Variants in EFCAB8 observed in about 807,000 individuals in gnomAD.
EFCAB8 encodes EF-hand calcium binding domain 8.
Under a neutral mutation model 116.3 loss-of-function variants are expected in EFCAB8, and 100 were observed. The observed-to-expected ratio is 0.86, with a 90% CI of 0.73 to 1.02. The LOEUF is 1.02. EFCAB8 is among the 50% of genes least tolerant of loss of function. EFCAB8 has a pLI of 0.00. For missense variants in EFCAB8, 1,320 were observed against 1,416.9 expected (o/e 0.93, Z 1.10); for synonymous variants, 558 against 567.9 (o/e 0.98, Z 0.25).
intron 3 of EFCAB8, among the ~76,000 whole-genome samples, chr20:32,868,955 A>C (rs1984558416): frequency 6.6e-6 from 1 of 151,948 alleles, no homozygotes; most frequent in African/African-American, 2.4e-5. Flanking sequence ...ACTTTACTCC[A>C]GCCTAGACCA....
In EFCAB8 at chr20:32,930,536, G is replaced by A. The variant is rs1987859219; in HGVS notation, c.2551G>A (p.Gly851Arg). The change falls in exon 21 of 27, where the codon GGG (glycine) becomes AGG (arginine). Residue 851 changes from glycine to arginine, a missense_variant. Coordinates refer to ENST00000400522, the MANE Select transcript of EFCAB8 (RefSeq NM_001143967.2). ...GAAGTTCCCTGTGGACCTAGACAAT[G>A]GGGATGTTGTCGTGGGTGCCATGGC... Reference protein sequence around the residue: ...LGKFPVDLDNGDVVVGAMATD... With the variant: ...LGKFPVDLDNRDVVVGAMATD... 3 of 1,552,242 alleles carry A rather than the reference G, an allele frequency of 1.9e-6. No individual in the cohort carries two copies. The highest frequency in any genetic ancestry group is 2.6e-6 in the Non-Finnish European group (3 of 1,147,150).
intron 17 of EFCAB8, among the ~76,000 whole-genome samples, chr20:32,913,928 G>A (rs1212082559): frequency 6.6e-6 from 1 of 152,214 alleles, no homozygotes; most frequent in African/African-American, 2.4e-5. Flanking sequence ...AGCTTTGCCT[G>A]GCAAGTGACT....
At chr20:32,941,722 G>A (rs1936307) in intron 22 of EFCAB8, among the ~76,000 whole-genome samples, 5 of 151,972 alleles carry the variant, frequency 3.3e-5, no homozygotes, top group African/African-American at 9.7e-5. Flanking sequence ...GGGAAATTGC[G>A]TAGTGACTAC....
At chr20:32,925,732 T>C (rs1412097884) in intron 20 of EFCAB8, among the ~76,000 whole-genome samples, 1 of 152,232 alleles carries the variant, frequency 6.6e-6, no homozygotes, top group East Asian at 1.9e-4. Flanking sequence ...AGTAGAAAAT[T>C]GCTCCAAGTT....
intron 17 of EFCAB8, among the ~76,000 whole-genome samples, chr20:32,916,676 T>C (rs1416019070): frequency 2.6e-5 from 4 of 152,212 alleles, no homozygotes; most frequent in African/African-American, 4.8e-5. Context: ...GGTTTTAACA[T>C]AAATTTTTGG....
chr20:32,899,209 C>G (rs1946285283), intron 11 of EFCAB8, among the ~76,000 whole-genome samples: 1 of 150,792 alleles, frequency 6.6e-6, no homozygotes, highest in Admixed American at 6.6e-5. Context: ...CATGGCGAAA[C>G]CCCGTCTCTA....
chr20:32,930,146 G>T (rs1023877108), intron 20 of EFCAB8, among the ~76,000 whole-genome samples: 3 of 152,172 alleles, frequency 2.0e-5, no homozygotes, highest in Non-Finnish European at 4.4e-5. Context: ...TATGTGTCAG[G>T]CACCATTGTG....
At chr20:32,894,290 A>G (rs889928781) in intron 9 of EFCAB8, among the ~76,000 whole-genome samples, 1 of 152,196 alleles carries the variant, frequency 6.6e-6, no homozygotes, top group African/African-American at 2.4e-5. Context: ...GGCCCCTGGC[A>G]GGCTTGTTGG....
intron 9 of EFCAB8, among the ~76,000 whole-genome samples, chr20:32,893,917 A>G (rs1163625216): frequency 6.6e-6 from 1 of 152,192 alleles, no homozygotes; most frequent in Non-Finnish European, 1.5e-5. Context: ...GGTCACCTGT[A>G]CACGCCCCTG....
At chr20:32,900,510 G>A (rs1345149062) in intron 11 of EFCAB8, among the ~76,000 whole-genome samples, 1 of 151,870 alleles carries the variant, frequency 6.6e-6, no homozygotes, top group African/African-American at 2.4e-5. Context: ...ACAGGCACGT[G>A]CCCCCGTGCT....
chr20:32,958,503 T>C lies in EFCAB8; in HGVS notation c.3042T>C (p.Asp1014=), dbSNP rs1250613678. The C allele has an allele frequency of 2.4e-6, 1 of 416,724 alleles. No individual in the cohort carries two copies. The highest frequency in any genetic ancestry group is 4.4e-6 in the Non-Finnish European group (1 of 226,356). The allele number at this position is 416,724 out of a possible 1,614,324, so 25.8% of individuals were successfully genotyped here. Residue 1014 remains aspartate (D), a synonymous_variant, in exon 24 of 27, where the codon GAT becomes GAC. Coordinates refer to ENST00000400522, the MANE Select transcript of EFCAB8 (RefSeq NM_001143967.2). ...PRENRASLEE[D]GDSTGTTQKV... ...AAAACAGAGCAAGCTTAGAGGAAGA[T>C]GGTGACTCCACTGGCACCACCCAGA...
intron 8 of EFCAB8, among the ~76,000 whole-genome samples, 184 bp from the exon 9 acceptor site, chr20:32,892,990 G>C (rs564436508): frequency 1.3e-5 from 2 of 151,978 alleles, no homozygotes; most frequent in Non-Finnish European, 2.9e-5. Flanking sequence ...ACTGGTGCCC[G>C]CCACCACGCT....
chr20:32,872,495 G>A (rs55884127), intron 3 of EFCAB8, among the ~76,000 whole-genome samples: 4,307 of 152,208 alleles, frequency 0.028, 95 homozygotes, highest in Non-Finnish European at 0.043. Flanking sequence ...AGACAGACAA[G>A]AGTGAAAGCG....
chr20:32,865,262 G>A (rs890583289), intron 2 of EFCAB8, among the ~76,000 whole-genome samples: 1 of 152,166 alleles, frequency 6.6e-6, no homozygotes, highest in Non-Finnish European at 1.5e-5. Flanking sequence ...GCGAGAGTCT[G>A]AAGAGTGGGT....
chr20:32,946,048 C>G (rs143790920), intron 23 of EFCAB8, among the ~76,000 whole-genome samples: 1 of 152,162 alleles, frequency 6.6e-6, no homozygotes, highest in East Asian at 1.9e-4. Flanking sequence ...TATGTATGCT[C>G]CAAATCTGCC....
intron 22 of EFCAB8, among the ~76,000 whole-genome samples, chr20:32,935,491 C>T (rs188339536): frequency 6.7e-6 from 1 of 149,538 alleles, no homozygotes; most frequent in East Asian, 2.0e-4. Context: ...TGAGCCACTG[C>T]ACCTGGCCAC....
chr20:32,927,993 T>G (rs984914250), intron 20 of EFCAB8, among the ~76,000 whole-genome samples: 4 of 152,106 alleles, frequency 2.6e-5, no homozygotes, highest in African/African-American at 9.7e-5. Context: ...CCCACTCCCC[T>G]CTCCCTCCAA....
intron 5 of EFCAB8, among the ~76,000 whole-genome samples, chr20:32,884,108 C>T (rs973739725): frequency 2.0e-5 from 3 of 152,162 alleles, no homozygotes; most frequent in African/African-American, 7.2e-5. Context: ...TGTCAAGAGG[C>T]TTGTTCCTAT....
intron 6 of EFCAB8, among the ~76,000 whole-genome samples, chr20:32,886,772 C>T (rs1985653159): frequency 6.6e-6 from 1 of 152,260 alleles, no homozygotes; most frequent in South Asian, 2.1e-4. Flanking sequence ...TCTGGGAAGG[C>T]GCAGCAGGCC....
Sources: gnomAD v4.1 joint callset for allele counts (sites outside exome capture counted in the v4.1 genomes callset) on GRCh38, gnomAD v4.1.1 for gene constraint, MANE v1.5 for transcripts, NCBI Gene and HGNC (gene_info 2026-07-23, HGNC 2026-07-21) for gene names.